Variants in GUCY1A2 observed in about 807,000 individuals in gnomAD.
GUCY1A2 encodes the protein guanylate cyclase 1 soluble subunit alpha 2.
In GUCY1A2, 27 loss-of-function variants were observed where a neutral mutation model predicts 63.5. The observed-to-expected ratio is 0.43, with a 90% CI of 0.31 to 0.59. The LOEUF is 0.59. Ranked by LOEUF, GUCY1A2 falls within the 20% of genes least tolerant of loss-of-function variation. The probability of loss-of-function intolerance (pLI) is 0.11; values close to 1 mark genes in which losing one functional copy is unlikely to be tolerated. For missense variants in GUCY1A2, 768 were observed against 913.3 expected (o/e 0.84, Z 2.05); for synonymous variants, 364 against 343.5 (o/e 1.06, Z -0.66).
At chr11:106,957,889 TCAG>T (rs1861010310) in intron 3 of GUCY1A2, among the ~76,000 whole-genome samples, 3 of 99,796 alleles carry the variant, frequency 3.0e-5, no homozygotes, top group African/African-American at 4.1e-5. Flanking sequence ...TTTTTTTTTT[TCAG>T]AAAAAAAAGG....
intron 4 of GUCY1A2, among the ~76,000 whole-genome samples, chr11:106,911,054 T>C (rs1860287067): frequency 6.6e-6 from 1 of 151,260 alleles, no homozygotes; most frequent in Non-Finnish European, 1.5e-5. Context: ...TAAGTATGTA[T>C]TAAAGGAAGA....
intron 4 of GUCY1A2, among the ~76,000 whole-genome samples, chr11:106,869,544 A>G (rs1859644062): frequency 1.3e-5 from 2 of 152,258 alleles, no homozygotes; most frequent in Admixed American, 1.3e-4. Context: ...AATGCAAATC[A>G]TAACCACAGT....
chr11:106,738,807 G>A (rs1332699188), intron 6 of GUCY1A2, among the ~76,000 whole-genome samples: 1 of 152,096 alleles, frequency 6.6e-6, no homozygotes, highest in Non-Finnish European at 1.5e-5. Flanking sequence ...TTGTAGTATT[G>A]TTTGAAGTCA....
At chr11:106,754,772 G>C (rs1863943898) in intron 6 of GUCY1A2, among the ~76,000 whole-genome samples, 3 of 152,160 alleles carry the variant, frequency 2.0e-5, no homozygotes. Flanking sequence ...TTTTATTGAG[G>C]ATTTTCACAT....
At chr11:106,955,751 G>A (rs754227756) in intron 3 of GUCY1A2, among the ~76,000 whole-genome samples, 58 of 151,960 alleles carry the variant, frequency 3.8e-4, no homozygotes, top group Non-Finnish European at 7.8e-4. Flanking sequence ...TTTTGACCTT[G>A]GAGAAACTGA....
chr11:106,829,719 C>T (rs150308784), intron 4 of GUCY1A2, among the ~76,000 whole-genome samples: 1 of 152,228 alleles, frequency 6.6e-6, no homozygotes, highest in East Asian at 1.9e-4. Flanking sequence ...CTGACCTGGA[C>T]TATCAAGATG....
chr11:106,934,241 T>C (rs1860645082), intron 4 of GUCY1A2, among the ~76,000 whole-genome samples: 1 of 152,164 alleles, frequency 6.6e-6, no homozygotes, highest in Admixed American at 6.5e-5. Context: ...CTCCAGGTAA[T>C]TCTGAACGAA....
chr11:106,777,011 A>G (rs1864369447), intron 5 of GUCY1A2, among the ~76,000 whole-genome samples: 1 of 152,082 alleles, frequency 6.6e-6, no homozygotes, highest in African/African-American at 2.4e-5. Context: ...TTTTAGATAT[A>G]TCTGTAATTT....
At chr11:106,812,989 A>C (rs888755249) in intron 4 of GUCY1A2, among the ~76,000 whole-genome samples, 3 of 152,036 alleles carry the variant, frequency 2.0e-5, no homozygotes, top group Admixed American at 1.3e-4. Context: ...AAAATAATAT[A>C]AATTATCCTT....
intron 4 of GUCY1A2, among the ~76,000 whole-genome samples, chr11:106,913,276 C>T (rs1425926706): frequency 6.6e-6 from 1 of 152,116 alleles, no homozygotes; most frequent in African/African-American, 2.4e-5. Context: ...ATTTATTTGG[C>T]TCATGATTGT....
intron 6 of GUCY1A2, among the ~76,000 whole-genome samples, chr11:106,711,941 T>C (rs895665712): frequency 9.9e-5 from 15 of 152,102 alleles, no homozygotes; most frequent in Admixed American, 2.0e-4. Context: ...ATATAACATA[T>C]CTTTTACTTC....
chr11:106,753,746 T>G (rs964068215), intron 6 of GUCY1A2, among the ~76,000 whole-genome samples: 1 of 152,234 alleles, frequency 6.6e-6, no homozygotes, highest in African/African-American at 2.4e-5. Flanking sequence ...CATGCTGTTT[T>G]GGTTACTGTA....
chr11:106,765,962 A>C (rs1312943866), intron 6 of GUCY1A2, among the ~76,000 whole-genome samples: 1 of 152,196 alleles, frequency 6.6e-6, no homozygotes, highest in African/African-American at 2.4e-5. Flanking sequence ...ACATTTACAC[A>C]CAAGGTGACA....
At position 106,681,154 on chromosome 11, in the gene GUCY1A2, A is replaced by T; in HGVS notation, c.*6395T>A. 4.7e-6 allele frequency: 1 copy of T among 214,406 alleles called. No individual in the cohort carries two copies. The highest frequency in any genetic ancestry group is 6.9e-5 in the East Asian group (1 of 14,450). 13.3% of individuals were successfully genotyped at this position (214,406 alleles called of 1,614,324 possible). On this transcript the variant is annotated 3_prime_UTR_variant, in exon 8 of 8. Coordinates refer to ENST00000526355, the MANE Select transcript of GUCY1A2 (RefSeq NM_000855.3). ...AGTATTACTGAATAATCATTTTCAG[A>T]CTTTTATTTATTGTGCTACAGGTGA...
At chr11:106,816,174 A>C (rs992116730) in intron 4 of GUCY1A2, among the ~76,000 whole-genome samples, 3 of 150,400 alleles carry the variant, frequency 2.0e-5, no homozygotes, top group Non-Finnish European at 4.4e-5. Flanking sequence ...CTTTAAAAAA[A>C]AAAAAAAAAA....
intron 3 of GUCY1A2, among the ~76,000 whole-genome samples, chr11:106,954,427 A>G (rs763146816): frequency 6.6e-6 from 1 of 152,294 alleles, no homozygotes; most frequent in Non-Finnish European, 1.5e-5. Flanking sequence ...TTATTTCAAA[A>G]TATGTGTTCA....
chr11:106,735,121 ATCAT>A (rs2135374418), intron 6 of GUCY1A2, among the ~76,000 whole-genome samples: 1 of 152,266 alleles, frequency 6.6e-6, no homozygotes, highest in South Asian at 2.1e-4. Context: ...GCAAACATTA[ATCAT>A]TTATTTGAGT....
intron 4 of GUCY1A2, among the ~76,000 whole-genome samples, chr11:106,923,627 G>T (rs890870869): frequency 6.6e-6 from 1 of 152,054 alleles, no homozygotes; most frequent in Non-Finnish European, 1.5e-5. Flanking sequence ...TTAGGAGAAA[G>T]ATTTTTTTTA....
chr11:106,896,747 C>T (rs1334678293), intron 4 of GUCY1A2, among the ~76,000 whole-genome samples: 1 of 152,158 alleles, frequency 6.6e-6, no homozygotes, highest in Non-Finnish European at 1.5e-5. Context: ...AGAGAGCATC[C>T]CTCGCCAGAC....
Sources: gnomAD v4.1 joint callset for allele counts (sites outside exome capture counted in the v4.1 genomes callset) on GRCh38, gnomAD v4.1.1 for gene constraint, MANE v1.5 for transcripts, NCBI Gene and HGNC (gene_info 2026-07-23, HGNC 2026-07-21) for gene names.